Variants in FHIT observed in about 807,000 individuals in gnomAD.
The protein encoded by FHIT is bis(5'-adenosyl)-triphosphatase.
In FHIT, 19 loss-of-function variants were observed where a neutral mutation model predicts 17.9. The observed-to-expected ratio is 1.06, with a 90% CI of 0.74 to 1.56. FHIT has a LOEUF of 1.56. Among genes scored for constraint, FHIT ranks in the 40% most tolerant of loss-of-function variants. The probability of loss-of-function intolerance (pLI) is 0.00; values close to 1 mark genes in which losing one functional copy is unlikely to be tolerated. For synonymous variants in FHIT, 81 were observed against 69.7 expected (o/e 1.16, Z -0.81); for missense variants, 248 against 189.2 (o/e 1.31, Z -1.82).
intron 4 of FHIT, among the ~76,000 whole-genome samples, chr3:60,774,362 G>C (rs2108080954): frequency 6.6e-6 from 1 of 152,258 alleles, no homozygotes; most frequent in Non-Finnish European, 1.5e-5. Flanking sequence ...GTGCAATGGT[G>C]TGATCTCAGC....
At chr3:61,060,086 T>C (rs371947948) in intron 2 of FHIT, among the ~76,000 whole-genome samples, 35 of 152,318 alleles carry the variant, frequency 2.3e-4, no homozygotes, top group African/African-American at 8.4e-4. Context: ...TGCTGGGACA[T>C]GCTGCAGCCA....
At position 60,666,312 on chromosome 3, in the gene FHIT, C is replaced by T. The variant is rs114345871; in HGVS notation, c.-17-129333G>A. Among the ~76,000 whole-genome samples the T allele has an allele frequency of 8.2e-3, 1,243 of 152,220 alleles. 11 individuals carry two copies. The highest frequency in any genetic ancestry group is 0.017 in the Middle Eastern group (5 of 294). ...GCAACAAATTCATTTACTTTTCCTT[C>T]ATCTGAGAATGTTTTTATTTCCTCT... On this transcript the variant is annotated intron_variant, in intron 4 of 9. Transcript: ENST00000492590.
chr3:60,567,956 C>G lies in FHIT; in HGVS notation c.-17-30977G>C, dbSNP rs541920081. On this transcript the variant is annotated intron_variant, in intron 4 of 9. Coordinates refer to ENST00000492590, the MANE Select transcript of FHIT (RefSeq NM_002012.4). The stretch of plus-strand genomic sequence containing the variant: ...TGGCAATCATTAAAAAGTCAGGAAA[C>G]AACAGGTGCTGGAGAGGATGTGGAG... 1.4e-4 allele frequency among the ~76,000 whole-genome samples: 21 copies of G among 152,236 alleles called. No individual in the cohort carries two copies. The East Asian group carries it at 4.1e-3, about 29-fold the overall frequency.
intron 2 of FHIT, among the ~76,000 whole-genome samples, chr3:61,046,706 C>A (rs1380452789): frequency 6.6e-6 from 1 of 152,156 alleles, no homozygotes; most frequent in Non-Finnish European, 1.5e-5. Context: ...GACTTTTAGA[C>A]CAATACCCCT....
intron 4 of FHIT, among the ~76,000 whole-genome samples, chr3:60,563,693 C>T (rs2037035029): frequency 6.6e-6 from 1 of 152,188 alleles, no homozygotes; most frequent in Admixed American, 6.5e-5. Context: ...ACAACATTCC[C>T]TTAAGCCAAA....
intron 4 of FHIT, among the ~76,000 whole-genome samples, chr3:60,614,848 T>A (rs2038904394): frequency 1.6e-5 from 2 of 121,378 alleles, no homozygotes; most frequent in Non-Finnish European, 1.7e-5. Flanking sequence ...TTTTGTTTTT[T>A]GAGATGGAGC....
chr3:61,191,686 G>T (rs1415688318), intron 2 of FHIT, among the ~76,000 whole-genome samples: 1 of 152,118 alleles, frequency 6.6e-6, no homozygotes, highest in Non-Finnish European at 1.5e-5. Flanking sequence ...CAGGGAAAGG[G>T]TTAACAGCTG....
chr3:59,965,839 G>A (rs923556368), intron 7 of FHIT, among the ~76,000 whole-genome samples: 1 of 152,088 alleles, frequency 6.6e-6, no homozygotes, highest in African/African-American at 2.4e-5. Context: ...AGAGAAAGTT[G>A]AACTCAACTT....
At chr3:60,990,906 G>T (rs1367176967) in intron 3 of FHIT, among the ~76,000 whole-genome samples, 1 of 152,070 alleles carries the variant, frequency 6.6e-6, no homozygotes, top group Non-Finnish European at 1.5e-5. Flanking sequence ...CCATTCCTTT[G>T]TTTATTCAGG....
At chr3:60,748,268 G>A (rs2042397780) in intron 4 of FHIT, among the ~76,000 whole-genome samples, 1 of 152,278 alleles carries the variant, frequency 6.6e-6, no homozygotes, top group African/African-American at 2.4e-5. Context: ...TTAGGTATTT[G>A]GGGGCCTGCA....
intron 2 of FHIT, among the ~76,000 whole-genome samples, chr3:61,137,327 T>C (rs1395992204): frequency 1.3e-5 from 2 of 148,244 alleles, no homozygotes; most frequent in South Asian, 4.3e-4. Context: ...CTTGTTTCCG[T>C]CCCTTCTTCA....
intron 3 of FHIT, among the ~76,000 whole-genome samples, chr3:60,904,512 T>C (rs1182069407): frequency 6.6e-6 from 1 of 150,936 alleles, no homozygotes; most frequent in African/African-American, 2.4e-5. Context: ...AGATTGAGAA[T>C]TTCAATTACC....
chr3:59,767,783 A>G (rs1403891694), intron 8 of FHIT, among the ~76,000 whole-genome samples: 3 of 152,298 alleles, frequency 2.0e-5, no homozygotes, highest in Middle Eastern at 3.4e-3. Context: ...TAGATGAAGA[A>G]GTTAAGGCTT....
intron 5 of FHIT, among the ~76,000 whole-genome samples, chr3:60,507,386 A>G (rs543194572): frequency 1.3e-5 from 2 of 152,310 alleles, no homozygotes; most frequent in African/African-American, 4.8e-5. Context: ...GAAAGACTGA[A>G]GCAAGACCAG....
chr3:60,251,878 T>C (rs1473233117), intron 5 of FHIT, among the ~76,000 whole-genome samples: 1 of 152,234 alleles, frequency 6.6e-6, no homozygotes, highest in Non-Finnish European at 1.5e-5. Context: ...GCCTCTTTGT[T>C]ATCTATTCCA....
chr3:59,840,404 A>AG (rs1701490459), intron 8 of FHIT, among the ~76,000 whole-genome samples: 2 of 151,336 alleles, frequency 1.3e-5, no homozygotes, highest in African/African-American at 2.4e-5. Context: ...AAAAAAAAAA[A>AG]AAAAAGAAAG....
chr3:60,234,775 T>C (rs1446641875), intron 5 of FHIT, among the ~76,000 whole-genome samples: 1 of 152,162 alleles, frequency 6.6e-6, no homozygotes, highest in African/African-American at 2.4e-5. Context: ...TCCCCAGCCT[T>C]TGTTTGGATG....
chr3:59,769,012 A>G (rs761918551), intron 8 of FHIT, among the ~76,000 whole-genome samples: 1 of 152,258 alleles, frequency 6.6e-6, no homozygotes, highest in African/African-American at 2.4e-5. Flanking sequence ...TGGATCCCAC[A>G]TAACAATATC....
intron 4 of FHIT, among the ~76,000 whole-genome samples, chr3:60,543,802 C>T (rs1276832371): frequency 6.7e-6 from 1 of 148,476 alleles, no homozygotes; most frequent in Non-Finnish European, 1.5e-5. Context: ...TGGAGTGCAG[C>T]GGCGCAATCT....
Sources: gnomAD v4.1 joint callset for allele counts (sites outside exome capture counted in the v4.1 genomes callset) on GRCh38, gnomAD v4.1.1 for gene constraint, MANE v1.5 for transcripts, NCBI Gene and HGNC (gene_info 2026-07-23, HGNC 2026-07-21) for gene names.